SPADH: variants seen among roughly 807,000 people sequenced by gnomAD.
SPADH encodes the protein spermadhesin family member.
At chr10:122,676,850 G>T in the SPADH span, 1 of 985,264 alleles carries the variant, frequency 1.0e-6, no homozygotes, top group Non-Finnish European at 1.2e-6. Context: ...TCATCGAGTT[G>T]AACCCCGGGG....
the SPADH span, among the ~76,000 whole-genome samples, chr10:122,679,235 T>C: frequency 3.3e-5 from 5 of 152,076 alleles, no homozygotes; most frequent in Non-Finnish European, 7.4e-5. Flanking sequence ...AAGGTACGGG[T>C]TCTGTCTCAG....
chr10:122,678,814 A>T, the SPADH span: 2 of 848,380 alleles, frequency 2.4e-6, no homozygotes, highest in East Asian at 1.2e-4. Flanking sequence ...GGACAAATCC[A>T]AATGCTGATG....
the SPADH span, among the ~76,000 whole-genome samples, chr10:122,674,237 G>A: frequency 6.6e-6 from 1 of 152,200 alleles, no homozygotes. Context: ...GGGCTGTTGT[G>A]AGGAGTTAGT....
the SPADH span, chr10:122,678,849 G>T: frequency 1.0e-6 from 1 of 981,128 alleles, no homozygotes; most frequent in Non-Finnish European, 1.2e-6. Flanking sequence ...TGACCCAGAG[G>T]ATTCGCATGT....
the SPADH span, among the ~76,000 whole-genome samples, chr10:122,677,402 A>G: frequency 6.6e-6 from 1 of 152,188 alleles, no homozygotes; most frequent in African/African-American, 2.4e-5. Flanking sequence ...AGGGGTTTAC[A>G]TAATACCCCT....
chr10:122,673,205 A>G, the SPADH span, among the ~76,000 whole-genome samples: 1 of 152,156 alleles, frequency 6.6e-6, no homozygotes, highest in Non-Finnish European at 1.5e-5. Context: ...TTCCTGCCTT[A>G]AGCAATGTAT....
the SPADH span, among the ~76,000 whole-genome samples, chr10:122,675,893 AGCC>A: frequency 6.6e-6 from 1 of 151,988 alleles, no homozygotes; most frequent in Non-Finnish European, 1.5e-5. Flanking sequence ...AACACCTCCA[AGCC>A]CCCCCGAAGT....
At chr10:122,678,802 G>C in the SPADH span, 1 of 674,804 alleles carries the variant, frequency 1.5e-6, no homozygotes, top group Non-Finnish European at 1.8e-6. Context: ...AGCCTGGCTG[G>C]AGGACAAATC....
chr10:122,678,495 G>A, the SPADH span, among the ~76,000 whole-genome samples: 1 of 152,160 alleles, frequency 6.6e-6, no homozygotes, highest in Non-Finnish European at 1.5e-5. Context: ...TCTGCTGGCT[G>A]CATTCCCTGT....
the SPADH span, chr10:122,676,678 G>A: frequency 2.1e-6 from 2 of 971,882 alleles, no homozygotes. Context: ...GTAATAACAG[G>A]GGCCCCTGGA....
At chr10:122,676,118 G>T in the SPADH span, among the ~76,000 whole-genome samples, 1 of 152,210 alleles carries the variant, frequency 6.6e-6, no homozygotes, top group East Asian at 1.9e-4. Flanking sequence ...GAGCTTCTCC[G>T]TGAGGATGCA....
chr10:122,673,474 G>A, the SPADH span, among the ~76,000 whole-genome samples: 4 of 152,158 alleles, frequency 2.6e-5, no homozygotes, highest in African/African-American at 7.2e-5. Context: ...AGCTCCCACC[G>A]CTGGCTGGGA....
the SPADH span, among the ~76,000 whole-genome samples, chr10:122,678,354 G>T: frequency 1.3e-5 from 2 of 152,164 alleles, no homozygotes; most frequent in African/African-American, 4.8e-5. Flanking sequence ...CTAGTGGGGG[G>T]TCATGCTTCA....
chr10:122,673,752 T>C, the SPADH span, among the ~76,000 whole-genome samples: 1 of 152,128 alleles, frequency 6.6e-6, no homozygotes, highest in Non-Finnish European at 1.5e-5. Flanking sequence ...CACTTCTTTC[T>C]CCTCTCTTGC....
the SPADH span, among the ~76,000 whole-genome samples, chr10:122,673,099 T>C: frequency 6.6e-6 from 1 of 152,200 alleles, no homozygotes; most frequent in Non-Finnish European, 1.5e-5. Context: ...AAGAGACAAA[T>C]AGGAAAATAT....
chr10:122,674,655 T>G, the SPADH span, among the ~76,000 whole-genome samples: 2 of 152,188 alleles, frequency 1.3e-5, no homozygotes, highest in African/African-American at 4.8e-5. Flanking sequence ...TTGTGTAGCA[T>G]TATGAGGATT....
the SPADH span, chr10:122,677,016 C>T: frequency 1.7e-6 from 1 of 573,736 alleles, no homozygotes; most frequent in Non-Finnish European, 2.2e-6. Flanking sequence ...AATTTGACGA[C>T]ATTTTCACTT....
At chr10:122,674,910 G>A in the SPADH span, among the ~76,000 whole-genome samples, 1 of 152,204 alleles carries the variant, frequency 6.6e-6, no homozygotes, top group Admixed American at 6.5e-5. Context: ...AGGCTGCTGG[G>A]ACAGTTAACC....
At chr10:122,675,732 G>C in the SPADH span, 1 of 735,582 alleles carries the variant, frequency 1.4e-6, no homozygotes, top group Non-Finnish European at 1.7e-6. Context: ...CTGTTTTGGG[G>C]TTGAAATCCA....
Sources: allele counts gnomAD v4.1 joint callset (sites outside exome capture counted in the v4.1 genomes callset), GRCh38; gene constraint gnomAD v4.1.1; transcripts MANE v1.5; gene names NCBI Gene and HGNC (gene_info 2026-07-23, HGNC 2026-07-21).